The following BCR variants were observed in gnomAD, a reference collection of about 807,000 sequenced individuals.
BCR encodes the protein breakpoint cluster region protein.
Under a neutral mutation model 138.6 loss-of-function variants are expected in BCR, and 58 were observed. The observed-to-expected ratio is 0.42, with a 90% CI of 0.34 to 0.52. The LOEUF (loss-of-function observed/expected upper bound fraction) is 0.52, where lower values mean the gene tolerates loss of function less well. BCR is among the 20% of genes least tolerant of loss of function. The probability of loss-of-function intolerance (pLI) is 0.06; values close to 1 mark genes in which losing one functional copy is unlikely to be tolerated. For missense variants in BCR, 1,599 were observed against 1,727.2 expected (o/e 0.93, Z 1.32); for synonymous variants, 786 against 730.1 (o/e 1.08, Z -1.23).
intron 1 of BCR, among the ~76,000 whole-genome samples, chr22:23,222,403 G>A (rs1214902744): frequency 1.3e-5 from 2 of 152,236 alleles, no homozygotes; most frequent in Non-Finnish European, 2.9e-5. Flanking sequence ...ATTAAAATGA[G>A]AAGTAAAGTG....
intron 22 of BCR, among the ~76,000 whole-genome samples, chr22:23,314,951 G>A (rs1210095457): frequency 1.3e-5 from 2 of 152,260 alleles, no homozygotes; most frequent in African/African-American, 2.4e-5. Flanking sequence ...GTGTTCGGGT[G>A]TGGTGGCTCA....
At position 23,262,920 on chromosome 22, in the gene BCR, G is replaced by A. The variant is rs567384660; in HGVS notation, c.1752+1380G>A. ...GGCGGGAGCGAGGACACGCCCAAGA[G>A]AGGAAGCAGAGGGAGGCGGAAGCGT... On this transcript the variant is annotated intron_variant, in intron 4 of 22. Transcript: ENST00000305877. 5.3e-5 allele frequency: 59 copies of A among 1,105,764 alleles called. No individual in the cohort carries two copies. In the South Asian group the frequency reaches 1.8e-3, roughly 34 times the overall value. 68.5% of individuals were successfully genotyped at this position (1,105,764 alleles called of 1,614,324 possible).
At chr22:23,183,525 G>GCTGCATTCC (rs1396679216) in intron 1 of BCR, among the ~76,000 whole-genome samples, 1 of 152,188 alleles carries the variant, frequency 6.6e-6, no homozygotes, top group Non-Finnish European at 1.5e-5. Context: ...GTCTGGCCGG[G>GCTGCATTCC]CTGCATTCCC....
At chr22:23,280,589 C>A (rs977493948) in intron 8 of BCR, among the ~76,000 whole-genome samples, 3 of 152,188 alleles carry the variant, frequency 2.0e-5, no homozygotes, top group Non-Finnish European at 4.4e-5. Flanking sequence ...TCTTTCTCAC[C>A]CCATCATGTT....
chr22:23,224,925 C>G (rs1167278431), intron 1 of BCR, among the ~76,000 whole-genome samples: 2 of 152,044 alleles, frequency 1.3e-5, no homozygotes, highest in Non-Finnish European at 2.9e-5. Context: ...CCTGCAGGCC[C>G]CCCGCTTCTT....
intron 16 of BCR, among the ~76,000 whole-genome samples, chr22:23,295,668 C>T (rs1338926735): frequency 6.6e-6 from 1 of 152,164 alleles, no homozygotes; most frequent in African/African-American, 2.4e-5. Context: ...CCAGGCTAAT[C>T]TGGAAGCCCC....
At chr22:23,276,749 G>A (rs962720902) in intron 8 of BCR, among the ~76,000 whole-genome samples, 32 of 152,348 alleles carry the variant, frequency 2.1e-4, no homozygotes, top group Middle Eastern at 3.4e-3. Flanking sequence ...CATCCACCTC[G>A]GTATCCCCTG....
intron 1 of BCR, among the ~76,000 whole-genome samples, chr22:23,190,816 G>C (rs2072403603): frequency 6.6e-6 from 1 of 152,152 alleles, no homozygotes; most frequent in Non-Finnish European, 1.5e-5. Flanking sequence ...AGGGCTGCGT[G>C]CTAAAACTTC....
At chr22:23,213,510 G>C (rs2072711298) in intron 1 of BCR, among the ~76,000 whole-genome samples, 1 of 152,232 alleles carries the variant, frequency 6.6e-6, no homozygotes. Context: ...GGCACACCGT[G>C]AGTGGATGTG....
intron 16 of BCR, among the ~76,000 whole-genome samples, chr22:23,301,358 C>T (rs1350914447): frequency 6.6e-6 from 1 of 152,208 alleles, no homozygotes; most frequent in African/African-American, 2.4e-5. Context: ...GCTCCAATTT[C>T]CCCAGCTCTG....
intron 1 of BCR, among the ~76,000 whole-genome samples, chr22:23,192,665 C>T (rs1172398774): frequency 6.6e-6 from 1 of 152,206 alleles, no homozygotes; most frequent in Non-Finnish European, 1.5e-5. Flanking sequence ...AAGGCTTCTC[C>T]AGCAAGTTGT....
At chr22:23,194,920 G>A (rs1293224217) in intron 1 of BCR, among the ~76,000 whole-genome samples, 1 of 152,120 alleles carries the variant, frequency 6.6e-6, no homozygotes, top group Non-Finnish European at 1.5e-5. Context: ...CATCCAGCCT[G>A]GGCGACAGAG....
intron 9 of BCR, among the ~76,000 whole-genome samples, chr22:23,284,489 T>G (rs2073688006): frequency 6.6e-6 from 1 of 151,924 alleles, no homozygotes; most frequent in African/African-American, 2.4e-5. Flanking sequence ...ACTCCCCTCC[T>G]CCCTCCTCCC....
intron 5 of BCR, among the ~76,000 whole-genome samples, chr22:23,269,534 C>T (rs1054872209): frequency 1.3e-5 from 2 of 152,176 alleles, no homozygotes; most frequent in East Asian, 1.9e-4. Flanking sequence ...TGTTTATCAC[C>T]GGATGGAGCA....
chr22:23,237,668 T>C (rs4820548), intron 1 of BCR, among the ~76,000 whole-genome samples: 86,273 of 152,024 alleles, frequency 0.57, 24,613 homozygotes, highest in East Asian at 0.7. Flanking sequence ...GAAGTCAGGG[T>C]GGTGGCCTTT....
chr22:23,243,327 G>A (rs1348157909), intron 1 of BCR, among the ~76,000 whole-genome samples: 7 of 152,112 alleles, frequency 4.6e-5, no homozygotes, highest in African/African-American at 4.8e-5. Context: ...GAGAGGGGTG[G>A]AGATTGAATT....
At chr22:23,271,425 G>C (rs908540338) in intron 5 of BCR, 107 bp from the exon 6 acceptor site, 2 of 1,118,086 alleles carry the variant, frequency 1.8e-6, no homozygotes, top group Non-Finnish European at 2.7e-6. Context: ...ATGCACCTGG[G>C]GTTTGTTGTA....
chr22:23,308,887 C>G (rs1396606497), intron 16 of BCR, among the ~76,000 whole-genome samples: 1 of 152,302 alleles, frequency 6.6e-6, no homozygotes, highest in South Asian at 2.1e-4. Context: ...TCCCGGCCCC[C>G]TCATCAGCTG....
chr22:23,203,402 AC>A (rs2072578281), intron 1 of BCR, among the ~76,000 whole-genome samples: 5 of 152,270 alleles, frequency 3.3e-5, no homozygotes, highest in African/African-American at 1.2e-4. Context: ...AGGTGCTAAA[AC>A]GTCTGAGCTG....
Sources: allele counts gnomAD v4.1 joint callset (sites outside exome capture counted in the v4.1 genomes callset), GRCh38; gene constraint gnomAD v4.1.1; transcripts MANE v1.5; gene names NCBI Gene and HGNC (gene_info 2026-07-23, HGNC 2026-07-21).